The following MYO1E variants were observed in gnomAD, a reference collection of about 807,000 sequenced individuals.
MYO1E encodes myosin IE.
MYO1E carries 68 observed loss-of-function variants against 151.1 expected under a neutral mutation model. The ratio of observed to expected loss-of-function variants is 0.45; its 90% confidence interval spans 0.37 to 0.55. The LOEUF is 0.55. Ranked by LOEUF, MYO1E falls within the 20% of genes least tolerant of loss-of-function variation. The pLI is 0.00. For synonymous variants in MYO1E, 601 were observed against 501.7 expected (o/e 1.20, Z -2.64); for missense variants, 1,363 against 1,389.3 (o/e 0.98, Z 0.30).
At position 59,372,504 on chromosome 15, in the gene MYO1E, G is replaced by T; in HGVS notation, c.-4C>A. ...CGCGGCGCGGCCAACTCACCATGGT[G>T]ACTCGCGCCGCGGTCGCGTCTTCGC... is the stretch of plus-strand genomic sequence containing the variant. On this transcript the variant is annotated 5_prime_UTR_variant, in exon 1 of 28. Transcript: ENST00000288235. 1 of 1,536,988 alleles carries T rather than the reference G, an allele frequency of 6.5e-7. No homozygotes were observed. The highest frequency in any genetic ancestry group is 8.8e-7 in the Non-Finnish European group (1 of 1,142,456).
At chr15:59,154,337 G>A (rs1222117174) in intron 25 of MYO1E, among the ~76,000 whole-genome samples, 3 of 152,222 alleles carry the variant, frequency 2.0e-5, no homozygotes, top group Non-Finnish European at 4.4e-5. Flanking sequence ...ACAGGCAAGG[G>A]AAAAGTGGCC....
chr15:59,337,896 A>G (rs2080739261), intron 1 of MYO1E, among the ~76,000 whole-genome samples: 1 of 152,232 alleles, frequency 6.6e-6, no homozygotes, highest in Admixed American at 6.5e-5. Flanking sequence ...AAGCTTAGAT[A>G]TATCTTTACT....
chr15:59,139,956 C>T (rs1241316900), intron 26 of MYO1E, among the ~76,000 whole-genome samples: 2 of 152,110 alleles, frequency 1.3e-5, no homozygotes, highest in Non-Finnish European at 2.9e-5. Context: ...CCCCTCAGAG[C>T]TCCCCTTTGC....
At position 59,310,681 on chromosome 15, in the gene MYO1E, A is replaced by G. The variant is rs146369599; in HGVS notation, c.4-38232T>C. The stretch of plus-strand genomic sequence containing the variant: ...CACATTTCTGTTGTTTTAAGCCACC[A>G]GTTCATAGCAATTTGTTAAGGCAGC... On this transcript the variant is annotated intron_variant, in intron 1 of 27. Transcript: ENST00000288235. Among the ~76,000 whole-genome samples the G allele has an allele frequency of 4.1e-3, 620 of 152,222 alleles. 4 individuals carry two copies. The highest frequency in any genetic ancestry group is 5.4e-3 in the Admixed American group (83 of 15,296).
intron 12 of MYO1E, among the ~76,000 whole-genome samples, chr15:59,211,915 C>A (rs1209675881): frequency 6.6e-6 from 1 of 152,056 alleles, no homozygotes; most frequent in Non-Finnish European, 1.5e-5. Context: ...AACTTCCATT[C>A]TAGTTTGCTT....
At chr15:59,314,263 C>T (rs1159328965) in intron 1 of MYO1E, among the ~76,000 whole-genome samples, 1 of 152,168 alleles carries the variant, frequency 6.6e-6, no homozygotes, top group Non-Finnish European at 1.5e-5. Context: ...CAACTCTGTG[C>T]CTTAACTATT....
chr15:59,296,871 G>A (rs1417230740), intron 1 of MYO1E, among the ~76,000 whole-genome samples: 1 of 133,918 alleles, frequency 7.5e-6, no homozygotes, highest in African/African-American at 2.9e-5. Context: ...ATGGAATCTC[G>A]CTCTGTCGCC....
chr15:59,308,260 G>T (rs1266805246), intron 1 of MYO1E, among the ~76,000 whole-genome samples: 1 of 147,156 alleles, frequency 6.8e-6, no homozygotes, highest in African/African-American at 2.5e-5. Context: ...AATAGGCTGG[G>T]CATGGTGGCT....
chr15:59,213,037 G>A (rs1334674297), intron 12 of MYO1E, among the ~76,000 whole-genome samples: 6 of 151,998 alleles, frequency 3.9e-5, no homozygotes, highest in Non-Finnish European at 7.4e-5. Flanking sequence ...AACTGCTACT[G>A]TTTTAAGTCA....
Position 59,355,777 on chromosome 15 carries a change from A to G in MYO1E, c.3+16721T>C, listed in dbSNP as rs568445603. On this transcript the variant is annotated intron_variant, in intron 1 of 27. Coordinates refer to ENST00000288235, the MANE Select transcript of MYO1E (RefSeq NM_004998.4). ...GTCACCCAGGCTGGAGTACAGTGGC[A>G]TGATCAGGGCTCACGGCAGCCTCAA... 1.2e-4 allele frequency among the ~76,000 whole-genome samples: 18 copies of G among 152,030 alleles called. No homozygotes were observed. The South Asian group carries it at 3.3e-3, about 28-fold the overall frequency.
At chr15:59,197,043 A>G (rs1248910507) in intron 16 of MYO1E, among the ~76,000 whole-genome samples, 2 of 112,410 alleles carry the variant, frequency 1.8e-5, no homozygotes, top group Admixed American at 1.4e-4. Context: ...CCCAGGCTGG[A>G]GTGCAGTGGC....
At chr15:59,199,808 A>G (rs1371945478) in intron 16 of MYO1E, among the ~76,000 whole-genome samples, 1 of 152,200 alleles carries the variant, frequency 6.6e-6, no homozygotes, top group East Asian at 1.9e-4. Flanking sequence ...CATCGTTAAG[A>G]TGACAATGAT....
chr15:59,358,855 T>G (rs1227240472), intron 1 of MYO1E, among the ~76,000 whole-genome samples: 1 of 152,148 alleles, frequency 6.6e-6, no homozygotes, highest in Non-Finnish European at 1.5e-5. Flanking sequence ...CGACCATAAT[T>G]CCTGAACTGT....
chr15:59,202,468 G>A, intron 15 of MYO1E, 61 bp from the exon 16 acceptor site: 12 of 1,515,588 alleles, frequency 7.9e-6, no homozygotes, highest in South Asian at 1.1e-5. Flanking sequence ...CTGAAAGCCT[G>A]CCTTTCTAGA....
chr15:59,204,669 C>T (rs928172547), intron 15 of MYO1E, among the ~76,000 whole-genome samples: 3 of 151,670 alleles, frequency 2.0e-5, no homozygotes, highest in Non-Finnish European at 4.4e-5. Context: ...TCTACCCCTA[C>T]AGCTGAAACA....
chr15:59,196,986 C>CTTT (rs71977305), intron 16 of MYO1E, among the ~76,000 whole-genome samples: 1,178 of 71,362 alleles, frequency 0.017, 283 homozygotes, highest in African/African-American at 0.032. Context: ...TTAATTACGA[C>CTTT]TTTTTTTTTT....
chr15:59,150,377 G>A (rs1466461180), intron 26 of MYO1E, among the ~76,000 whole-genome samples: 3 of 152,218 alleles, frequency 2.0e-5, no homozygotes, highest in Admixed American at 6.5e-5. Context: ...AGCAGCCTTG[G>A]TTAAGACACA....
intron 12 of MYO1E, 85 bp from the exon 13 acceptor site, chr15:59,210,685 C>T: frequency 1.1e-6 from 1 of 931,668 alleles, no homozygotes; most frequent in East Asian, 2.4e-5. Flanking sequence ...CAAAAATTCC[C>T]ATAAAAGAGA....
rs191779600 is a variant in MYO1E at position 59,176,318 on chromosome 15, C to G, written c.2049+2075G>C. On this transcript the variant is annotated intron_variant, in intron 19 of 27. Transcript: ENST00000288235. ...CTCGTGATCTGCCGGCCTCAGCCCC[C>G]CAAAGTGCTGGGATTACAGGCGTGA... Among the ~76,000 whole-genome samples, 20 of 152,272 alleles carry G rather than the reference C, an allele frequency of 1.3e-4. No individual in the cohort carries two copies. In the East Asian group the frequency reaches 1.7e-3, roughly 13 times the overall value.
Sources: allele counts gnomAD v4.1 joint callset (sites outside exome capture counted in the v4.1 genomes callset), GRCh38; gene constraint gnomAD v4.1.1; transcripts MANE v1.5; gene names NCBI Gene and HGNC (gene_info 2026-07-23, HGNC 2026-07-21).